MPZL1: variants seen among roughly 807,000 people sequenced by gnomAD.
MPZL1 encodes the protein myelin protein zero-like protein 1.
A neutral mutation model predicts 29.3 loss-of-function variants in MPZL1; 16 were observed. The ratio of observed to expected loss-of-function variants is 0.55; its 90% CI spans 0.37 to 0.83. MPZL1 has a LOEUF of 0.83. Ranked by LOEUF, MPZL1 falls within the 40% of genes least tolerant of loss-of-function variation. The pLI is 0.00. For synonymous variants in MPZL1, 143 were observed against 132.0 expected (o/e 1.08, Z -0.57); for missense variants, 279 against 332.9 (o/e 0.84, Z 1.26).
At chr1:167,729,792 A>G (rs1660225802) in intron 1 of MPZL1, among the ~76,000 whole-genome samples, 1 of 152,146 alleles carries the variant, frequency 6.6e-6, no homozygotes, top group Non-Finnish European at 1.5e-5. Flanking sequence ...AGTGCTTACT[A>G]TGTGCCACGC....
chr1:167,724,099 G>A (rs538789668), intron 1 of MPZL1, among the ~76,000 whole-genome samples: 32 of 152,296 alleles, frequency 2.1e-4, no homozygotes, highest in Admixed American at 2.0e-4. Context: ...AGGGTCAGAA[G>A]CACATTGGTA....
chr1:167,756,429 ATT>A (rs11455159), intron 1 of MPZL1, among the ~76,000 whole-genome samples: 25,703 of 95,466 alleles, frequency 0.27, 2,579 homozygotes, highest in African/African-American at 0.33. Context: ...GTCTGGCCAG[ATT>A]TTTTTTTTTT....
intron 2 of MPZL1, 112 bp downstream of exon 2, chr1:167,765,861 A>G (rs1661105586): frequency 2.8e-6 from 3 of 1,085,224 alleles, no homozygotes; most frequent in Admixed American, 3.0e-5. Context: ...TGTATTTTTT[A>G]TCTGTTATAG....
intron 3 of MPZL1, 76 bp from the exon 4 acceptor site, chr1:167,773,160 C>T: frequency 6.9e-7 from 1 of 1,455,566 alleles, no homozygotes; most frequent in African/African-American, 1.4e-5. Context: ...AAGATACTTG[C>T]TCGTTAATTT....
chr1:167,742,293 GA>G (rs960124881), intron 1 of MPZL1, among the ~76,000 whole-genome samples: 3 of 150,626 alleles, frequency 2.0e-5, no homozygotes, highest in African/African-American at 4.9e-5. Context: ...ACAAAAAAAA[GA>G]AAAAAAAATC....
chr1:167,722,938 G>T (rs1310739576), intron 1 of MPZL1, among the ~76,000 whole-genome samples: 1 of 152,036 alleles, frequency 6.6e-6, no homozygotes, highest in Non-Finnish European at 1.5e-5. Flanking sequence ...ACCATAATTT[G>T]ACAAGACATA....
intron 1 of MPZL1, among the ~76,000 whole-genome samples, chr1:167,763,690 G>A (rs1661046294): frequency 6.6e-6 from 1 of 152,130 alleles, no homozygotes; most frequent in South Asian, 2.1e-4. Flanking sequence ...CTTGTGCTTT[G>A]TCCTTCATTT....
At chr1:167,747,581 G>A (rs148225165) in intron 1 of MPZL1, among the ~76,000 whole-genome samples, 567 of 152,196 alleles carry the variant, frequency 3.7e-3, no homozygotes, top group Non-Finnish European at 6.6e-3. Context: ...AGTTAAAAAA[G>A]AATACATGAT....
At position 167,778,566 on chromosome 1, in the gene MPZL1, A is replaced by ATGGG. The variant is rs1340987480; in HGVS notation, c.708+2401_708+2402insGGGT. 2.0e-5 allele frequency among the ~76,000 whole-genome samples: 3 copies of ATGGG among 151,782 alleles called. No homozygotes were observed. The East Asian group carries it at 5.8e-4, about 29-fold the overall frequency. The stretch of plus-strand genomic sequence containing the variant: ...GATGGATGGATGGATGGATGGATGG[A>ATGGG]TAGATTTAAAAAAATAATAATTTAA... On this transcript the variant is annotated intron_variant, in intron 5 of 5. Transcript: ENST00000359523.
At chr1:167,733,510 T>G (rs376645778) in intron 1 of MPZL1, among the ~76,000 whole-genome samples, 4 of 151,580 alleles carry the variant, frequency 2.6e-5, no homozygotes, top group Non-Finnish European at 5.9e-5. Context: ...TTTGGGAAGC[T>G]GAGATGGGTG....
intron 5 of MPZL1, 26 bp from the exon 6 acceptor site, chr1:167,787,794 C>G (rs369776984): frequency 3.2e-5 from 50 of 1,567,350 alleles, no homozygotes; most frequent in Non-Finnish European, 4.0e-5. Flanking sequence ...TTTCAGTCCT[C>G]TAATCCTTCT....
intron 1 of MPZL1, among the ~76,000 whole-genome samples, chr1:167,753,591 C>T (rs1272747253): frequency 6.6e-6 from 1 of 151,842 alleles, no homozygotes; most frequent in Admixed American, 6.6e-5. Flanking sequence ...TGTCCAGCTG[C>T]AGCAGACTGG....
intron 1 of MPZL1, among the ~76,000 whole-genome samples, chr1:167,746,098 C>G (rs1371670874): frequency 1.3e-5 from 2 of 151,930 alleles, no homozygotes; most frequent in Non-Finnish European, 2.9e-5. Context: ...GAAAAAATAC[C>G]TATGATTAGA....
intron 2 of MPZL1, among the ~76,000 whole-genome samples, chr1:167,771,501 G>A (rs1419202405): frequency 2.6e-5 from 4 of 151,986 alleles, no homozygotes; most frequent in Non-Finnish European, 5.9e-5. Context: ...CTCAATGGTC[G>A]CTGTCTCTTC....
chr1:167,753,059 G>T (rs948206542), intron 1 of MPZL1, among the ~76,000 whole-genome samples: 1 of 152,162 alleles, frequency 6.6e-6, no homozygotes, highest in Non-Finnish European at 1.5e-5. Context: ...GTGTGTCTTC[G>T]GTAGACTACA....
intron 1 of MPZL1, among the ~76,000 whole-genome samples, chr1:167,754,157 T>C (rs1287042096): frequency 6.6e-6 from 1 of 151,730 alleles, no homozygotes; most frequent in African/African-American, 2.4e-5. Flanking sequence ...GCCATGAGGC[T>C]CAGCTAATTT....
At chr1:167,735,262 G>A (rs961907881) in intron 1 of MPZL1, among the ~76,000 whole-genome samples, 5 of 152,208 alleles carry the variant, frequency 3.3e-5, no homozygotes, top group East Asian at 1.9e-4. Flanking sequence ...ATTCTTATAC[G>A]TGTTTGATTA....
chr1:167,722,271 C>T, intron 1 of MPZL1, 29 bp downstream of exon 1: 2 of 1,235,848 alleles, frequency 1.6e-6, no homozygotes, highest in Non-Finnish European at 2.0e-6. Flanking sequence ...AGGGCTGGGG[C>T]CGGGGAGTGG....
intron 1 of MPZL1, among the ~76,000 whole-genome samples, chr1:167,739,274 C>CATATACATAT (rs1660452463): frequency 1.4e-4 from 12 of 83,272 alleles, no homozygotes; most frequent in African/African-American, 6.5e-4. Flanking sequence ...TACATATATA[C>CATATACATAT]ATATATACAT....
Sources: allele counts gnomAD v4.1 joint callset (sites outside exome capture counted in the v4.1 genomes callset), GRCh38; gene constraint gnomAD v4.1.1; transcripts MANE v1.5; gene names NCBI Gene and HGNC (gene_info 2026-07-23, HGNC 2026-07-21).